Variants in ARHGEF28 observed in about 807,000 individuals in gnomAD.
ARHGEF28 encodes Rho guanine nucleotide exchange factor 28.
Under a neutral mutation model 206.6 loss-of-function variants are expected in ARHGEF28, and 152 were observed. The ratio of observed to expected loss-of-function variants is 0.74; its 90% CI spans 0.64 to 0.84. The LOEUF is 0.84. Among genes scored for constraint, ARHGEF28 ranks in the 40% least tolerant of loss-of-function variants. ARHGEF28 has a pLI of 0.00. For synonymous variants in ARHGEF28, 763 were observed against 776.4 expected (o/e 0.98, Z 0.29); for missense variants, 2,028 against 2,073.2 (o/e 0.98, Z 0.42).
At chr5:73,817,178 C>T (rs1044318817) in intron 9 of ARHGEF28, among the ~76,000 whole-genome samples, 4 of 152,170 alleles carry the variant, frequency 2.6e-5, no homozygotes, top group East Asian at 1.9e-4. Context: ...CAACTTCCCT[C>T]GTTCTCTCCT....
intron 1 of ARHGEF28, among the ~76,000 whole-genome samples, chr5:73,640,185 T>G (rs1016168110): frequency 1.3e-5 from 2 of 152,214 alleles, no homozygotes; most frequent in African/African-American, 2.4e-5. Context: ...CCTTTGATTC[T>G]TCTCTGCTTT....
intron 7 of ARHGEF28, 34 bp from the exon 8 acceptor site, chr5:73,794,368 C>T (rs751560725): frequency 1.0e-4 from 156 of 1,544,568 alleles, no homozygotes; most frequent in Middle Eastern, 3.3e-4. Context: ...CAAAAGCTCC[C>T]ATCAGCAGAT....
chr5:73,842,636 A>C (rs1292218088), intron 11 of ARHGEF28, among the ~76,000 whole-genome samples: 1 of 152,206 alleles, frequency 6.6e-6, no homozygotes, highest in African/African-American at 2.4e-5. Flanking sequence ...ACAGTTTTGC[A>C]AAAATAAATT....
At chr5:73,847,004 G>A (rs1758406503) in intron 12 of ARHGEF28, among the ~76,000 whole-genome samples, 1 of 152,118 alleles carries the variant, frequency 6.6e-6, no homozygotes, top group African/African-American at 2.4e-5. Context: ...TCACATTGGA[G>A]TTTCATTTAG....
chr5:73,889,749 A>G (rs1761515387), intron 26 of ARHGEF28, among the ~76,000 whole-genome samples: 1 of 152,236 alleles, frequency 6.6e-6, no homozygotes, highest in Non-Finnish European at 1.5e-5. Flanking sequence ...GATTGAGTGA[A>G]TGTGATAGGG....
intron 9 of ARHGEF28, chr5:73,803,185 T>C (rs1755244855): frequency 6.5e-6 from 1 of 154,080 alleles, no homozygotes; most frequent in South Asian, 2.1e-4. Context: ...GGAATGAGAA[T>C]TAAAAGAACA....
At chr5:73,685,834 G>A (rs1747431690) in intron 2 of ARHGEF28, among the ~76,000 whole-genome samples, 1 of 152,022 alleles carries the variant, frequency 6.6e-6, no homozygotes, top group African/African-American at 2.4e-5. Flanking sequence ...TGTTGGCCAA[G>A]ATGGTCTTGA....
intron 35 of ARHGEF28, among the ~76,000 whole-genome samples, chr5:73,920,356 T>A (rs1232494363): frequency 6.6e-6 from 1 of 152,186 alleles, no homozygotes; most frequent in Non-Finnish European, 1.5e-5. Flanking sequence ...TCATTAGTAT[T>A]GGAGTAAATT....
At chr5:73,751,829 A>G (rs1462211897) in intron 3 of ARHGEF28, among the ~76,000 whole-genome samples, 1 of 152,130 alleles carries the variant, frequency 6.6e-6, no homozygotes, top group Non-Finnish European at 1.5e-5. Context: ...CAAAATCTGT[A>G]AGACAGATTT....
chr5:73,762,214 G>T (rs1191699639), intron 4 of ARHGEF28, among the ~76,000 whole-genome samples: 1 of 151,910 alleles, frequency 6.6e-6, no homozygotes, highest in African/African-American at 2.4e-5. Flanking sequence ...CCAGCACTTT[G>T]GGAGGCTGAG....
chr5:73,787,989 T>G (rs1435996189), intron 7 of ARHGEF28, among the ~76,000 whole-genome samples: 1 of 152,184 alleles, frequency 6.6e-6, no homozygotes, highest in African/African-American at 2.4e-5. Context: ...GAAAGAACTT[T>G]AGAGATCATC....
chr5:73,911,530 C>G lies in ARHGEF28; in HGVS notation c.4903C>G (p.Gln1635Glu). Residue 1635 changes from glutamine (Q) to glutamate (E), a missense_variant, in exon 35 of 36, where the codon CAG becomes GAG. Coordinates refer to ENST00000513042, the MANE Select transcript of ARHGEF28 (RefSeq NM_001177693.2). Reference sequence around the variant, plus strand: ...GTGGACAGCCGCTGGTTCCGGCCATCAGATACTTCCTTTCCATGAAAGCAG... The same window carrying G: ...GTGGACAGCCGCTGGTTCCGGCCATGAGATACTTCCTTTCCATGAAAGCAG... Reference protein sequence around the residue: ...KLWTAAGSGHQILPFHESSKD... With the variant: ...KLWTAAGSGHEILPFHESSKD... The G allele has an allele frequency of 6.2e-7, 1 of 1,612,302 alleles. No homozygotes were observed. Among genetic ancestry groups the G allele is most frequent in the South Asian group, 1.1e-5 (1 of 90,602 alleles).
intron 1 of ARHGEF28, among the ~76,000 whole-genome samples, chr5:73,650,757 T>A (rs1744766038): frequency 6.6e-6 from 1 of 151,952 alleles, no homozygotes; most frequent in African/African-American, 2.4e-5. Flanking sequence ...CAAGCGATCC[T>A]CCCACCTCAG....
At chr5:73,655,264 T>C (rs1227883756) in intron 1 of ARHGEF28, among the ~76,000 whole-genome samples, 1 of 152,252 alleles carries the variant, frequency 6.6e-6, no homozygotes, top group East Asian at 1.9e-4. Flanking sequence ...GGCCTAACTA[T>C]GGTTCACAGG....
At chr5:73,738,482 CGTGTGTGTGTGTGTGT>C (rs59149035) in intron 2 of ARHGEF28, among the ~76,000 whole-genome samples, 2,330 of 145,670 alleles carry the variant, frequency 0.016, 46 homozygotes, top group African/African-American at 0.057. Flanking sequence ...AGAGTGGCCT[CGTGTGTGTGTGTGTGT>C]GTGTGTGTGT....
chr5:73,685,292 G>T (rs1747389540), intron 2 of ARHGEF28, among the ~76,000 whole-genome samples: 1 of 152,108 alleles, frequency 6.6e-6, no homozygotes, highest in South Asian at 2.1e-4. Context: ...AAAGTGTTGG[G>T]ACATAAACAG....
At chr5:73,767,682 A>C (rs899924407) in intron 4 of ARHGEF28, among the ~76,000 whole-genome samples, 1 of 152,168 alleles carries the variant, frequency 6.6e-6, no homozygotes, top group Non-Finnish European at 1.5e-5. Flanking sequence ...AGAGCATAAA[A>C]GTTTGGAAAA....
At chr5:73,844,638 ATG>A (rs1380434821) in intron 11 of ARHGEF28, among the ~76,000 whole-genome samples, 5 of 113,674 alleles carry the variant, frequency 4.4e-5, no homozygotes, top group African/African-American at 9.5e-5. Flanking sequence ...AAAAAAGCCT[ATG>A]TTTTTTTTTT....
Position 73,713,515 on chromosome 5 carries a change from CA to C in ARHGEF28, c.33+28632del, listed in dbSNP as rs540901065. Among the ~76,000 whole-genome samples, 141 of 152,226 alleles carry C rather than the reference CA, an allele frequency of 9.3e-4. 4 individuals carry two copies. The South Asian group carries it at 0.028, about 30-fold the overall frequency. On this transcript the variant is annotated intron_variant, in intron 2 of 35. Transcript: ENST00000513042. The stretch of plus-strand genomic sequence containing the variant: ...GAGTTAAGAGGAAGATGGGCCATAG[CA>C]TCTTTTCAGTCCTGTTTACTTCAAT...
Sources: allele counts gnomAD v4.1 joint callset (sites outside exome capture counted in the v4.1 genomes callset), GRCh38; gene constraint gnomAD v4.1.1; transcripts MANE v1.5; gene names NCBI Gene and HGNC (gene_info 2026-07-23, HGNC 2026-07-21).